The following LYPD8 variants were observed in gnomAD, a reference collection of about 807,000 sequenced individuals.
LYPD8 encodes ly6/PLAUR domain-containing protein 8.
Under a neutral mutation model 1.7 loss-of-function variants are expected in LYPD8, and 8 were observed. That is an observed-to-expected ratio of 4.58 (90% CI 2.69 to 8.27). The LOEUF (loss-of-function observed/expected upper bound fraction) is 8.27. Among genes scored for constraint, LYPD8 ranks in the 30% most tolerant of loss-of-function variants. The pLI, the probability that LYPD8 is intolerant of heterozygous loss-of-function variation, is 0.00. For synonymous variants in LYPD8, 50 were observed against 43.6 expected, an observed-to-expected ratio of 1.15 and a Z score of -0.58; for missense variants, 112 against 102.3, an observed-to-expected ratio of 1.09 and a Z score of -0.41.
Position 248,750,503 on chromosome 1 carries a change from GACAC to G in LYPD8, c.172+17_172+20del. ...CGGTGCAAGCCCCAGAGGCAGGAAG[GACAC>G]ACACACCCAGGCTCACCTAGAGAGG... On this transcript the variant is annotated intron_variant, in intron 4 of 6. Coordinates refer to ENST00000590317, the MANE Select transcript of LYPD8 (RefSeq NM_001085474.2). The G allele has an allele frequency of 2.5e-6, 1 of 398,618 alleles. No homozygotes were observed. Among genetic ancestry groups the G allele is most frequent in the Non-Finnish European group, 4.4e-6 (1 of 226,106 alleles). 24.7% of individuals were successfully genotyped at this position (398,618 alleles called of 1,614,324 possible).
rs539062870 is a variant in LYPD8, at chr1:248,739,544, C to T, written c.*67G>A. 151 of 1,545,616 alleles carry T rather than the reference C, an allele frequency of 9.8e-5. No homozygotes were observed. The highest frequency in any genetic ancestry group is 5.7e-4 in the Admixed American group (29 of 50,762). On this transcript the variant is annotated 3_prime_UTR_variant, in exon 7 of 7. Transcript: ENST00000590317. This position sits in a 1 kb window ranked among gnomAD's most constrained non-coding sequence, Gnocchi z 4.3. ...GAGCAGGGAAAGAGGGTGTCAGCAC[C>T]GCAGGGGGTGCTCTGGACCTCAGAG...
intron 2 of LYPD8, among the ~76,000 whole-genome samples, chr1:248,753,276 ACAC>A (rs1295965069): frequency 0.021 from 2,305 of 109,548 alleles, 147 homozygotes; most frequent in African/African-American, 0.09. Flanking sequence ...CACACACACC[ACAC>A]AACACACACA....
intron 4 of LYPD8, among the ~76,000 whole-genome samples, chr1:248,750,236 T>A (rs1662776612): frequency 1.3e-5 from 2 of 152,216 alleles, no homozygotes; most frequent in Admixed American, 6.5e-5. Flanking sequence ...AACTAAGAGC[T>A]GTCCTTGCTT....
Position 248,751,075 on chromosome 1 carries a change from C to T in LYPD8, c.7G>A (p.Gly3Ser), listed in dbSNP as rs1459213957. 2.5e-6 allele frequency: 1 copy of T among 398,584 alleles called. No homozygotes were observed. The highest frequency in any genetic ancestry group is 4.4e-6 in the Non-Finnish European group (1 of 226,060). 24.7% of individuals were successfully genotyped at this position (398,584 alleles called of 1,614,324 possible). ...GCAGTGATACCAGCAACGAGGATGC[C>T]CTTCATGGTGCTGGAGCTGACTTCT... MKGILVAGITAVL... is the reference protein window; with the variant it reads MKSILVAGITAVL... The change falls in exon 3 of 7, where the codon GGC becomes AGC. Residue 3 changes from glycine (G) to serine (S), a missense_variant. By Grantham distance (56) the Gly-to-Ser change is moderately conservative (BLOSUM62 0). Transcript: ENST00000590317.
intron 6 of LYPD8, among the ~76,000 whole-genome samples, chr1:248,742,319 CG>C (rs1662620000): frequency 5.5e-5 from 1 of 18,234 alleles, no homozygotes; most frequent in Admixed American, 8.0e-4. Context: ...TGTTGGCAGT[CG>C]GGGGAGATTA....
rs1304185584 is a variant in LYPD8 at position 248,740,000 on chromosome 1, G to A, written c.476-151C>T. 13 of 968,740 alleles carry A rather than the reference G, an allele frequency of 1.3e-5. No homozygotes were observed. Among genetic ancestry groups the A allele is most frequent in the Middle Eastern group, 3.0e-4 (1 of 3,312 alleles). The allele number at this position is 968,740 out of a possible 1,614,324, so 60.0% of individuals were successfully genotyped here. A position where few individuals can be genotyped will look rare whatever the true frequency, so the allele number is the denominator to read the frequency against. ...GCCCAGGCAGGAAGAAGGAGCCTGC[G>A]TGTTCAGAGTCAAGAACACCACGCG... On this transcript the variant is annotated intron_variant, in intron 6 of 6. Coordinates refer to ENST00000590317, the MANE Select transcript of LYPD8 (RefSeq NM_001085474.2). The surrounding 1 kb of genome is among the most constrained non-coding windows in gnomAD (Gnocchi z 4.3).
intron 2 of LYPD8, among the ~76,000 whole-genome samples, chr1:248,751,740 G>T (rs1159273417): frequency 6.6e-6 from 1 of 152,148 alleles, no homozygotes; most frequent in Non-Finnish European, 1.5e-5. Flanking sequence ...CTTCTGGGAG[G>T]TATCAGAACT....
intron 6 of LYPD8, among the ~76,000 whole-genome samples, chr1:248,740,446 A>G (rs3934475): frequency 0.058 from 8,843 of 152,316 alleles, 512 homozygotes; most frequent in East Asian, 0.31. Context: ...TGTACTAGAA[A>G]AAGGCCTGGG....
Position 248,739,622 on chromosome 1 carries a change from G to A in LYPD8, c.703C>T (p.Leu235=). Reference sequence around the variant, plus strand: ...GCAGCCCCAGGACCTCAGGGCAGCAGTCCCCGAAGAAGGAGGCTGGCAAGG... The same window carrying A: ...GCAGCCCCAGGACCTCAGGGCAGCAATCCCCGAAGAAGGAGGCTGGCAAGG... ...LALASLLLRG[L]LP The change falls in exon 7 of 7, where the codon CTG becomes TTG. Residue 235 remains leucine, a synonymous_variant. Transcript: ENST00000590317. The surrounding 1 kb of genome is among the most constrained non-coding windows in gnomAD (Gnocchi z 4.3). 1 of 1,551,578 alleles carries A rather than the reference G, an allele frequency of 6.4e-7. No individual in the cohort carries two copies. The highest frequency in any genetic ancestry group is 1.2e-5 in the South Asian group (1 of 84,056).
At chr1:248,750,904 G>A (rs1662789993) in intron 3 of LYPD8, 126 bp downstream of exon 3, 2 of 398,090 alleles carry the variant, frequency 5.0e-6, no homozygotes, top group Non-Finnish European at 8.8e-6. Flanking sequence ...TGCACGGACA[G>A]GTCTCATGGT....
chr1:248,753,670 C>A (rs1662874007), intron 2 of LYPD8, among the ~76,000 whole-genome samples: 1 of 138,632 alleles, frequency 7.2e-6, no homozygotes, highest in Non-Finnish European at 1.6e-5. Flanking sequence ...ACACCCCACG[C>A]AACACACACA....
intron 4 of LYPD8, among the ~76,000 whole-genome samples, chr1:248,749,752 C>G (rs1337507387): frequency 2.0e-5 from 3 of 152,010 alleles, no homozygotes; most frequent in Non-Finnish European, 4.4e-5. Flanking sequence ...AGGGAATATT[C>G]AAACCATAGC....
intron 6 of LYPD8, among the ~76,000 whole-genome samples, chr1:248,744,192 A>C (rs1433101498): frequency 6.6e-6 from 1 of 152,222 alleles, no homozygotes; most frequent in East Asian, 1.9e-4. Context: ...GAGGGGAGGC[A>C]TAGTGAAGTG....
chr1:248,742,320 G>C (rs1332500897), intron 6 of LYPD8, among the ~76,000 whole-genome samples: 3 of 63,184 alleles, frequency 4.7e-5, no homozygotes, highest in Non-Finnish European at 6.0e-5. Flanking sequence ...GTTGGCAGTC[G>C]GGGGAGATTA....
intron 5 of LYPD8, among the ~76,000 whole-genome samples, chr1:248,745,850 T>C (rs935450830): frequency 0.11 from 17,473 of 152,246 alleles, 1,205 homozygotes; most frequent in East Asian, 0.18. Flanking sequence ...CTGAGACCCT[T>C]ACAGGGAGTA....
intron 2 of LYPD8, 97 bp from the exon 3 acceptor site, chr1:248,751,227 C>G: frequency 2.5e-6 from 1 of 396,024 alleles, no homozygotes; most frequent in Non-Finnish European, 4.4e-6. Context: ...AGTACTCAGT[C>G]CATCCTTGTG....
At chr1:248,741,353 C>T (rs782718051) in intron 6 of LYPD8, among the ~76,000 whole-genome samples, 3 of 152,174 alleles carry the variant, frequency 2.0e-5, no homozygotes, top group Non-Finnish European at 2.9e-5. Context: ...ACTACAGGCG[C>T]GTGCCACCAC....
intron 2 of LYPD8, 61 bp from the exon 3 acceptor site, chr1:248,751,191 G>T (rs1662796085): frequency 7.5e-6 from 3 of 397,566 alleles, no homozygotes; most frequent in Admixed American, 4.4e-5. Context: ...ATCCCCTGGG[G>T]CTTTTAATCG....
chr1:248,742,212 CGGGGGAGATTA>C (rs1662615491), intron 6 of LYPD8, among the ~76,000 whole-genome samples: 14 of 78,238 alleles, frequency 1.8e-4, no homozygotes, highest in East Asian at 7.4e-4. Flanking sequence ...ATGTTGGCAG[CGGGGGAGATTA>C]CGCTCTGGTG....
Sources: gnomAD v4.1 joint callset for allele counts (sites outside exome capture counted in the v4.1 genomes callset) on GRCh38, gnomAD v4.1.1 for gene constraint, Gnocchi (gnomAD v3.1) non-coding constraint, MANE v1.5 for transcripts, NCBI Gene and HGNC (gene_info 2026-07-23, HGNC 2026-07-21) for gene names.